CTNNA2: variants seen among roughly 807,000 people sequenced by gnomAD.
CTNNA2 encodes catenin alpha-2.
CTNNA2 carries 42 observed loss-of-function variants against 101.0 expected under a neutral mutation model. The ratio of observed to expected loss-of-function variants is 0.42; its 90% CI spans 0.32 to 0.54. CTNNA2 has a LOEUF of 0.54. Ranked by LOEUF, CTNNA2 falls within the 20% of genes least tolerant of loss-of-function variation. The probability of loss-of-function intolerance (pLI) is 0.14; values close to 1 mark genes in which losing one functional copy is unlikely to be tolerated. For missense variants in CTNNA2, 871 were observed against 1,223.1 expected (o/e 0.71, Z 4.29); for synonymous variants, 450 against 456.4 (o/e 0.99, Z 0.18).
intron 4 of CTNNA2, among the ~76,000 whole-genome samples, chr2:79,462,045 TGAA>T (rs1423667664): frequency 2.6e-5 from 4 of 152,234 alleles, no homozygotes; most frequent in Admixed American, 2.6e-4. Flanking sequence ...ATTTCAGTGA[TGAA>T]GAATTTTACC....
chr2:80,138,855 A>G (rs1702841097), intron 7 of CTNNA2, among the ~76,000 whole-genome samples: 1 of 152,174 alleles, frequency 6.6e-6, no homozygotes, highest in Admixed American at 6.6e-5. Context: ...CAGAATACAT[A>G]GTCAACATTC....
chr2:79,721,933 C>T (rs11689297), intron 2 of CTNNA2, among the ~76,000 whole-genome samples: 29,249 of 151,766 alleles, frequency 0.19, 3,011 homozygotes, highest in Middle Eastern at 0.27. Context: ...GAATAAATAC[C>T]GTGCAGATGG....
At chr2:79,319,570 A>T (rs1676571143) in intron 3 of CTNNA2, 1 of 151,944 alleles carries the variant, frequency 6.6e-6, no homozygotes, top group Admixed American at 6.6e-5. Context: ...TTAAAAAAAA[A>T]AGCAGTGACT....
chr2:79,857,913 T>C, intron 3 of CTNNA2, 100 bp from the exon 4 acceptor site: 1 of 1,275,680 alleles, frequency 7.8e-7, no homozygotes, highest in Non-Finnish European at 1.1e-6. Context: ...GTCATCAGAG[T>C]TTTGCAATAA....
At chr2:79,656,011 G>A (rs1053277825) in intron 2 of CTNNA2, among the ~76,000 whole-genome samples, 1 of 152,018 alleles carries the variant, frequency 6.6e-6, no homozygotes, top group South Asian at 2.1e-4. Context: ...TTCATACAGA[G>A]ATTTGGCACT....
intron 1 of CTNNA2, among the ~76,000 whole-genome samples, chr2:79,640,348 G>C (rs1345709063): frequency 6.6e-6 from 1 of 152,082 alleles, no homozygotes; most frequent in Non-Finnish European, 1.5e-5. Flanking sequence ...TGCACAGCTT[G>C]AACTATACTT....
chr2:79,893,831 G>GT (rs1684471539), intron 6 of CTNNA2, among the ~76,000 whole-genome samples: 1 of 152,096 alleles, frequency 6.6e-6, no homozygotes, highest in Non-Finnish European at 1.5e-5. Context: ...ACAAATAATA[G>GT]TTTTTTAGAC....
chr2:79,207,466 T>G (rs1312165799), intron 2 of CTNNA2, among the ~76,000 whole-genome samples: 1 of 152,150 alleles, frequency 6.6e-6, no homozygotes, highest in Non-Finnish European at 1.5e-5. Context: ...ATATGAGAGT[T>G]TCTGAAAAGT....
At chr2:80,399,450 G>A (rs1427232898) in intron 8 of CTNNA2, among the ~76,000 whole-genome samples, 1 of 152,142 alleles carries the variant, frequency 6.6e-6, no homozygotes, top group Non-Finnish European at 1.5e-5. Context: ...CTTGACACTA[G>A]CAAGTCTAGA....
At chr2:79,794,373 T>A in intron 3 of CTNNA2, among the ~76,000 whole-genome samples, 1 of 152,168 alleles carries the variant, frequency 6.6e-6, no homozygotes, top group East Asian at 1.9e-4. Flanking sequence ...AAGATTAGAA[T>A]GCTTAATATG....
chr2:79,763,093 G>A lies in CTNNA2; in HGVS notation c.298+18511G>A, dbSNP rs937561672. On this transcript the variant is annotated intron_variant, in intron 3 of 18. Transcript: ENST00000402739. ...AACTATTCTTTTATTTGACAGTTTCGTGATTGACAATGGGAGTAATAATTT... is the reference window on the plus strand; with the variant it reads ...AACTATTCTTTTATTTGACAGTTTCATGATTGACAATGGGAGTAATAATTT... Among the ~76,000 whole-genome samples, 68 of 152,084 alleles carry A rather than the reference G, an allele frequency of 4.5e-4. 3 individuals are homozygous for A. Among genetic ancestry groups the A allele is most frequent in the Non-Finnish European group, 1.2e-4 (8 of 68,004 alleles).
intron 7 of CTNNA2, among the ~76,000 whole-genome samples, chr2:80,045,530 ATAAT>A (rs1183473052): frequency 2.0e-5 from 3 of 152,224 alleles, no homozygotes; most frequent in Non-Finnish European, 4.4e-5. Flanking sequence ...CACTAAATAA[ATAAT>A]TACAGTGAAC....
chr2:79,394,085 C>G (rs950382749), intron 4 of CTNNA2, among the ~76,000 whole-genome samples: 1 of 152,004 alleles, frequency 6.6e-6, no homozygotes, highest in Admixed American at 6.6e-5. Flanking sequence ...TGAGTGGTCA[C>G]GTACACTCAC....
At chr2:80,375,448 G>A (rs1207287345) in intron 7 of CTNNA2, among the ~76,000 whole-genome samples, 1 of 152,014 alleles carries the variant, frequency 6.6e-6, no homozygotes, top group Non-Finnish European at 1.5e-5. Flanking sequence ...TCTGGCTTCT[G>A]TACAGGTAAT....
chr2:79,229,292 C>A (rs779913288), intron 2 of CTNNA2, among the ~76,000 whole-genome samples: 1 of 152,110 alleles, frequency 6.6e-6, no homozygotes, highest in Non-Finnish European at 1.5e-5. Context: ...AATTGTATCT[C>A]CCAGAATTCC....
intron 4 of CTNNA2, among the ~76,000 whole-genome samples, chr2:79,485,931 A>G (rs1001786292): frequency 1.3e-5 from 2 of 152,200 alleles, no homozygotes; most frequent in African/African-American, 4.8e-5. Flanking sequence ...TATTTAACTC[A>G]GAGAACCTGA....
In CTNNA2 at chr2:79,525,983, A is replaced by G. The variant is rs1672381899; in HGVS notation, c.-6+12776A>G. On this transcript the variant is annotated intron_variant, in intron 1 of 18. Coordinates refer to ENST00000402739, the MANE Select transcript of CTNNA2 (RefSeq NM_001282597.3). Reference sequence around the variant, plus strand: ...TTTCTTGATGACTGGTTGCCTTTGGAAATAATTTTTTTGTTTGCTGTTTAT... The same window carrying G: ...TTTCTTGATGACTGGTTGCCTTTGGGAATAATTTTTTTGTTTGCTGTTTAT... Among the ~76,000 whole-genome samples the G allele has an allele frequency of 4.6e-5, 7 of 152,068 alleles. No homozygotes were observed. In the South Asian group the frequency reaches 1.5e-3, roughly 32 times the overall value.
At chr2:79,919,144 A>G (rs1224547221) in intron 7 of CTNNA2, among the ~76,000 whole-genome samples, 1 of 152,138 alleles carries the variant, frequency 6.6e-6, no homozygotes, top group Non-Finnish European at 1.5e-5. Flanking sequence ...AGAAGGAAAC[A>G]TGGTAGCTGA....
At chr2:79,875,264 C>G (rs1014540141) in intron 6 of CTNNA2, among the ~76,000 whole-genome samples, 1 of 152,176 alleles carries the variant, frequency 6.6e-6, no homozygotes, top group African/African-American at 2.4e-5. Flanking sequence ...CCCCCATTCC[C>G]CCCGGGTCAG....
Sources: gnomAD v4.1 joint callset for allele counts (sites outside exome capture counted in the v4.1 genomes callset) on GRCh38, gnomAD v4.1.1 for gene constraint, MANE v1.5 for transcripts, NCBI Gene and HGNC (gene_info 2026-07-23, HGNC 2026-07-21) for gene names.